The following UNC13C variants were observed in gnomAD, a reference collection of about 807,000 sequenced individuals.
UNC13C encodes protein unc-13 homolog C.
Under a neutral mutation model 245.4 loss-of-function variants are expected in UNC13C, and 174 were observed. That is an observed-to-expected ratio of 0.71 (90% CI 0.63 to 0.80). UNC13C has a LOEUF of 0.80. Among genes scored for constraint, UNC13C ranks in the 30% least tolerant of loss-of-function variants. UNC13C has a pLI of 0.00. For missense variants in UNC13C, 2,829 were observed against 2,602.9 expected (o/e 1.09, Z -1.89); for synonymous variants, 992 against 895.1 (o/e 1.11, Z -1.93).
chr15:54,388,640 A>G (rs1421153965), intron 17 of UNC13C, among the ~76,000 whole-genome samples: 1 of 152,160 alleles, frequency 6.6e-6, no homozygotes, highest in Non-Finnish European at 1.5e-5. Flanking sequence ...TATTCCACAT[A>G]GACTCCGGAT....
chr15:53,946,820 C>T, the UNC13C span, among the ~76,000 whole-genome samples: 1 of 151,872 alleles, frequency 6.6e-6, no homozygotes, highest in Non-Finnish European at 1.5e-5. Flanking sequence ...GATGTTGAAC[C>T]AACCTTGTAT....
chr15:54,241,913 T>G (rs1035121173), intron 7 of UNC13C, among the ~76,000 whole-genome samples: 1 of 152,228 alleles, frequency 6.6e-6, no homozygotes, highest in African/African-American at 2.4e-5. Context: ...ATCTCTTGTC[T>G]GCAAGTATTG....
Position 54,034,172 on chromosome 15 carries a change from T to C in UNC13C, c.2983+18286T>C, listed in dbSNP as rs557279317. 8.5e-5 allele frequency among the ~76,000 whole-genome samples: 13 copies of C among 152,310 alleles called. No individual in the cohort carries two copies. In the East Asian group the frequency reaches 2.1e-3, roughly 25 times the overall value. ...CTTGTGGTCAAGTTTGCAGGTCAAA[T>C]AGCAGCAGGGAAAGGTCAGAGTGTC... On this transcript the variant is annotated intron_variant, in intron 2 of 32. Transcript: ENST00000260323.
intron 2 of UNC13C, among the ~76,000 whole-genome samples, chr15:54,077,405 GTC>G (rs1898695554): frequency 5.7e-5 from 4 of 70,638 alleles, no homozygotes; most frequent in Admixed American, 2.3e-4. Flanking sequence ...TTGAGACAGA[GTC>G]TCTCTCTGTC....
At position 54,087,724 on chromosome 15, in the gene UNC13C, G is replaced by A. The variant is rs1003817252; in HGVS notation, c.2984-55294G>A. Among the ~76,000 whole-genome samples the A allele has an allele frequency of 2.0e-5, 3 of 152,216 alleles. No homozygotes were observed. The East Asian group carries it at 5.8e-4, about 29-fold the overall frequency. ...GAGCCTTGTCTATGATGCAAAAGAG[G>A]ATTGTTACTGATTAGCTCTTGTAAC... On this transcript the variant is annotated intron_variant, in intron 2 of 32. Transcript: ENST00000260323.
intron 32 of UNC13C, among the ~76,000 whole-genome samples, chr15:54,626,369 C>T (rs1901146883): frequency 6.6e-6 from 1 of 152,072 alleles, no homozygotes; most frequent in Admixed American, 6.6e-5. Flanking sequence ...GCAGTGTATT[C>T]CCCTGAGAAA....
intron 19 of UNC13C, 30 bp downstream of exon 19, chr15:54,415,097 T>C: frequency 6.7e-7 from 1 of 1,485,026 alleles, no homozygotes; most frequent in African/African-American, 1.4e-5. Context: ...CTTATTCGAA[T>C]ACATGTTAGA....
intron 19 of UNC13C, among the ~76,000 whole-genome samples, chr15:54,459,394 G>T (rs796653618): frequency 7.2e-5 from 11 of 152,224 alleles, no homozygotes; most frequent in Admixed American, 2.0e-4. Context: ...TTTTTGTGAT[G>T]AATTTCCCAG....
intron 18 of UNC13C, among the ~76,000 whole-genome samples, chr15:54,398,599 T>G (rs971086820): frequency 6.6e-6 from 1 of 151,380 alleles, no homozygotes; most frequent in African/African-American, 2.4e-5. Context: ...TGTAGGAGGT[T>G]TTTAAACTAA....
chr15:54,528,212 T>G (rs1895564384), intron 25 of UNC13C, among the ~76,000 whole-genome samples: 1 of 152,122 alleles, frequency 6.6e-6, no homozygotes, highest in African/African-American at 2.4e-5. Context: ...TGAGACTAAG[T>G]GATATAACCT....
chr15:54,602,723 C>T lies in UNC13C; in HGVS notation c.6107-19604C>T, dbSNP rs143369591. 5.9e-5 allele frequency among the ~76,000 whole-genome samples: 9 copies of T among 152,216 alleles called. No homozygotes were observed. The East Asian group carries it at 1.2e-3, about 20-fold the overall frequency. On this transcript the variant is annotated intron_variant, in intron 30 of 32. Transcript: ENST00000260323. ...CAGTCACCCCAGAAGTTCCTCCATACGTCTCATCAGTCACAGCCCCCACCC... is the reference window on the plus strand; with the variant it reads ...CAGTCACCCCAGAAGTTCCTCCATATGTCTCATCAGTCACAGCCCCCACCC...
intron 14 of UNC13C, among the ~76,000 whole-genome samples, chr15:54,330,167 G>C (rs2038402549): frequency 6.6e-6 from 1 of 152,026 alleles, no homozygotes; most frequent in Non-Finnish European, 1.5e-5. Context: ...GGCAAAAGTT[G>C]AAAAGTCTGA....
chr15:53,947,894 AC>A, the UNC13C span: 1 of 152,220 alleles, frequency 6.6e-6, no homozygotes, highest in Non-Finnish European at 1.5e-5. Context: ...ATGTGGTATC[AC>A]AATGACTTTG....
intron 13 of UNC13C, among the ~76,000 whole-genome samples, chr15:54,313,794 A>G (rs2140967216): frequency 6.6e-6 from 1 of 151,880 alleles, no homozygotes; most frequent in Non-Finnish European, 1.5e-5. Flanking sequence ...GGCCAAAGTA[A>G]ATAAAATCAT....
chr15:54,501,535 T>C (rs1356802976), intron 22 of UNC13C, among the ~76,000 whole-genome samples: 2 of 152,146 alleles, frequency 1.3e-5, no homozygotes, highest in Non-Finnish European at 2.9e-5. Flanking sequence ...ACCATGTGCT[T>C]ACTACTTTCC....
intron 2 of UNC13C, among the ~76,000 whole-genome samples, chr15:54,069,408 AC>A (rs1188538255): frequency 7.2e-5 from 11 of 152,300 alleles, no homozygotes; most frequent in Admixed American, 6.5e-4. Flanking sequence ...TCATAATATC[AC>A]AAGTGTGTTT....
intron 17 of UNC13C, among the ~76,000 whole-genome samples, chr15:54,373,326 C>A (rs111453286): frequency 2.6e-5 from 4 of 152,304 alleles, no homozygotes; most frequent in African/African-American, 9.6e-5. Context: ...TTTGCTCGAG[C>A]CCACTGGACT....
chr15:54,597,925 A>T (rs945743821), intron 30 of UNC13C, among the ~76,000 whole-genome samples: 1 of 152,212 alleles, frequency 6.6e-6, no homozygotes, highest in African/African-American at 2.4e-5. Context: ...CAGGGATACA[A>T]ACTTTGTCTT....
At chr15:54,550,452 C>T (rs948550198) in intron 28 of UNC13C, among the ~76,000 whole-genome samples, 4 of 152,122 alleles carry the variant, frequency 2.6e-5, no homozygotes, top group African/African-American at 9.7e-5. Flanking sequence ...CTCCCACTTG[C>T]AGTTGGAGCT....
Sources: allele counts gnomAD v4.1 joint callset (sites outside exome capture counted in the v4.1 genomes callset), GRCh38; gene constraint gnomAD v4.1.1; transcripts MANE v1.5; gene names NCBI Gene and HGNC (gene_info 2026-07-23, HGNC 2026-07-21).